MEF2C: variants seen among roughly 807,000 people sequenced by gnomAD.
The protein encoded by MEF2C is myocyte-specific enhancer factor 2C.
MEF2C carries 6 observed loss-of-function variants against 50.5 expected under a neutral mutation model. That is an observed-to-expected ratio of 0.12 (90% CI 0.07 to 0.23). The LOEUF (loss-of-function observed/expected upper bound fraction) is 0.23, where lower values mean the gene tolerates loss of function less well. Among genes scored for constraint, MEF2C ranks in the 10% least tolerant of loss-of-function variants. The probability of loss-of-function intolerance (pLI) is 1.00; values close to 1 mark genes in which losing one functional copy is unlikely to be tolerated. For missense variants in MEF2C, 276 were observed against 605.0 expected (o/e 0.46, Z 5.70); for synonymous variants, 183 against 228.0 (o/e 0.80, Z 1.78).
At chr5:88,903,137 A>G (rs1285583387) in intron 1 of MEF2C, among the ~76,000 whole-genome samples, 2 of 151,836 alleles carry the variant, frequency 1.3e-5, no homozygotes, top group Admixed American at 6.6e-5. Flanking sequence ...TGAAAAAAAT[A>G]TTTTTGCCTA....
chr5:88,896,337 G>T (rs890996639), intron 1 of MEF2C, among the ~76,000 whole-genome samples: 4 of 152,172 alleles, frequency 2.6e-5, no homozygotes, highest in African/African-American at 9.7e-5. Context: ...TACCCTGTGT[G>T]CTCTCCCTTC....
At chr5:88,734,199 T>G in intron 6 of MEF2C, 1 of 985,234 alleles carries the variant, frequency 1.0e-6, no homozygotes, top group Non-Finnish European at 1.2e-6. Context: ...AATAAGAACA[T>G]CAAGGTCAAT....
intron 3 of MEF2C, among the ~76,000 whole-genome samples, chr5:88,763,646 TTC>T (rs1778778117): frequency 6.6e-6 from 1 of 151,664 alleles, no homozygotes; most frequent in African/African-American, 2.4e-5. Context: ...GTTAAAAATA[TTC>T]TTTCTTTCTT....
At chr5:88,750,153 A>G in intron 5 of MEF2C, 1 of 871,006 alleles carries the variant, frequency 1.1e-6, no homozygotes, top group Non-Finnish European at 1.4e-6. Context: ...TAGTTGGTTC[A>G]GGTTTTGGAA....
chr5:88,895,484 T>C (rs1231751653), intron 1 of MEF2C, among the ~76,000 whole-genome samples: 1 of 152,212 alleles, frequency 6.6e-6, no homozygotes, highest in Non-Finnish European at 1.5e-5. Context: ...TCTAAATTGT[T>C]TATTCATTAT....
At position 88,793,833 on chromosome 5, in the gene MEF2C, C is replaced by A. The variant is rs144869746; in HGVS notation, c.258+10765G>T. On this transcript the variant is annotated intron_variant, in intron 3 of 10. Coordinates refer to ENST00000504921, the MANE Select transcript of MEF2C (RefSeq NM_002397.5). ...CGACAGGCCCTGCTGTGTGATATTCCCCTCCCTGAGTCCATGTGTTCTCAT... is the reference window on the plus strand; with the variant it reads ...CGACAGGCCCTGCTGTGTGATATTCACCTCCCTGAGTCCATGTGTTCTCAT... 4.1e-4 allele frequency among the ~76,000 whole-genome samples: 62 copies of A among 152,048 alleles called. No individual in the cohort carries two copies. In the East Asian group the frequency reaches 0.011, roughly 28 times the overall value.
At chr5:88,863,827 T>TC (rs1397852922) in intron 1 of MEF2C, among the ~76,000 whole-genome samples, 1 of 150,554 alleles carries the variant, frequency 6.6e-6, no homozygotes, top group East Asian at 1.9e-4. Flanking sequence ...TCTTTTTCTT[T>TC]TTTTTTTTTT....
At chr5:88,867,545 A>T (rs547033519) in intron 1 of MEF2C, among the ~76,000 whole-genome samples, 3 of 152,366 alleles carry the variant, frequency 2.0e-5, no homozygotes, top group South Asian at 4.1e-4. Context: ...CCTATAGAAT[A>T]GTGCTCAAGT....
chr5:88,733,137 A>G (rs978608697), intron 6 of MEF2C: 18 of 985,270 alleles, frequency 1.8e-5, no homozygotes, highest in Non-Finnish European at 2.2e-5. Context: ...CCCGGGAGAG[A>G]AGAGGTGATC....
chr5:88,763,339 C>T (rs1333653966), intron 3 of MEF2C, among the ~76,000 whole-genome samples: 1 of 152,128 alleles, frequency 6.6e-6, no homozygotes, highest in East Asian at 1.9e-4. Flanking sequence ...TACAGTAATA[C>T]TATAAAGAAC....
chr5:88,901,957 T>C (rs956511624), intron 1 of MEF2C, among the ~76,000 whole-genome samples: 16 of 151,852 alleles, frequency 1.1e-4, no homozygotes, highest in African/African-American at 3.6e-4. Context: ...TCATAAACAA[T>C]AGTTTGGCAG....
chr5:88,740,036 G>A (rs1765860386), intron 6 of MEF2C: 1 of 985,296 alleles, frequency 1.0e-6, no homozygotes, highest in South Asian at 4.7e-5. Context: ...TATATTCTTA[G>A]AGAAATACCC....
intron 3 of MEF2C, among the ~76,000 whole-genome samples, chr5:88,783,256 A>G (rs549684049): frequency 6.6e-6 from 1 of 152,288 alleles, no homozygotes; most frequent in Admixed American, 6.5e-5. Flanking sequence ...CATTTTATAA[A>G]TGTTTATCCA....
intron 1 of MEF2C, among the ~76,000 whole-genome samples, chr5:88,893,710 G>T (rs1182364896): frequency 6.6e-6 from 1 of 152,012 alleles, no homozygotes; most frequent in Non-Finnish European, 1.5e-5. Context: ...AGAAATTGTG[G>T]AACAAGGAGG....
rs1035587931 is a variant in MEF2C, at chr5:88,870,393, G to A, written c.-143+12562C>T. 1.3e-5 allele frequency among the ~76,000 whole-genome samples: 2 copies of A among 152,002 alleles called. 1 individual carries two copies. The highest frequency in any genetic ancestry group is 4.1e-4 in the South Asian group (2 of 4,828). On this transcript the variant is annotated intron_variant, in intron 1 of 10. Transcript: ENST00000504921. ...TTACTCTTTAAAAAAACCTGTAAAA[G>A]TGACTATAGTGGCATGTTCTGACAC...
chr5:88,793,294 T>C (rs1318752922), intron 3 of MEF2C, among the ~76,000 whole-genome samples: 5 of 152,100 alleles, frequency 3.3e-5, no homozygotes, highest in Admixed American at 6.6e-5. Context: ...GGTTGAGGAA[T>C]GTACGTATGT....
At chr5:88,734,388 T>A in intron 6 of MEF2C, 1 of 985,238 alleles carries the variant, frequency 1.0e-6, no homozygotes, top group Non-Finnish European at 1.2e-6. Flanking sequence ...GAAGCTTGAA[T>A]AGATCAGAAG....
intron 1 of MEF2C, chr5:88,843,581 A>T: frequency 2.2e-6 from 1 of 456,882 alleles, no homozygotes; most frequent in Non-Finnish European, 2.9e-6. Flanking sequence ...ACAAAGTGAG[A>T]GGTGTTAACT....
intron 6 of MEF2C, chr5:88,739,810 C>G (rs1765736538): frequency 1.0e-6 from 1 of 985,048 alleles, no homozygotes; most frequent in South Asian, 4.7e-5. Flanking sequence ...ATTCAGGGGT[C>G]AGAAATCTGG....
Sources: gnomAD v4.1 joint callset for allele counts (sites outside exome capture counted in the v4.1 genomes callset) on GRCh38, gnomAD v4.1.1 for gene constraint, MANE v1.5 for transcripts, NCBI Gene and HGNC (gene_info 2026-07-23, HGNC 2026-07-21) for gene names.